RBPMS2: variants seen among roughly 807,000 people sequenced by gnomAD.
RBPMS2 encodes the protein RNA-binding protein with multiple splicing 2.
RBPMS2 carries 14 observed loss-of-function variants against 25.7 expected under a neutral mutation model. The observed-to-expected ratio is 0.55, with a 90% confidence interval of 0.36 to 0.85. The LOEUF (loss-of-function observed/expected upper bound fraction) is 0.85. Ranked by LOEUF, RBPMS2 falls within the 40% of genes least tolerant of loss-of-function variation. The pLI is 0.01. For synonymous variants in RBPMS2, 127 were observed against 115.6 expected (o/e 1.10, Z -0.63); for missense variants, 252 against 283.4 (o/e 0.89, Z 0.80).
At chr15:64,772,007 C>A (rs1056131003) in intron 1 of RBPMS2, among the ~76,000 whole-genome samples, 3 of 152,134 alleles carry the variant, frequency 2.0e-5, no homozygotes, top group African/African-American at 7.2e-5. Flanking sequence ...TACTTTAACT[C>A]ATCTCTAGAT....
intron 3 of RBPMS2, among the ~76,000 whole-genome samples, chr15:64,749,977 C>G (rs2083660100): frequency 6.6e-6 from 1 of 151,996 alleles, no homozygotes; most frequent in South Asian, 2.1e-4. Context: ...CTAGCGGGCC[C>G]TGGCCTCCTT....
At chr15:64,741,708 G>A (rs1478000124) in intron 6 of RBPMS2, among the ~76,000 whole-genome samples, 1 of 152,264 alleles carries the variant, frequency 6.6e-6, no homozygotes, top group African/African-American at 2.4e-5. Flanking sequence ...GAAGTCATAT[G>A]TGGTTGTGAG....
chr15:64,772,220 A>T (rs2083897578), intron 1 of RBPMS2, among the ~76,000 whole-genome samples: 1 of 152,210 alleles, frequency 6.6e-6, no homozygotes, highest in African/African-American at 2.4e-5. Context: ...CTTCAGAGAC[A>T]TGGTAATTAC....
chr15:64,763,961 A>G (rs961025064), intron 1 of RBPMS2, among the ~76,000 whole-genome samples: 1 of 152,202 alleles, frequency 6.6e-6, no homozygotes, highest in African/African-American at 2.4e-5. Context: ...TGTCGTGGGA[A>G]CACACCTGGT....
intron 1 of RBPMS2, among the ~76,000 whole-genome samples, chr15:64,758,193 A>C (rs2083751518): frequency 1.3e-5 from 2 of 152,220 alleles, no homozygotes; most frequent in Non-Finnish European, 2.9e-5. Flanking sequence ...GAAGGCACCA[A>C]ACGCATTCAC....
At chr15:64,743,683 G>A (rs988827616) in intron 6 of RBPMS2, among the ~76,000 whole-genome samples, 1 of 152,162 alleles carries the variant, frequency 6.6e-6, no homozygotes, top group Non-Finnish European at 1.5e-5. Context: ...AGGCTATAGT[G>A]ACCAGGTTCC....
intron 1 of RBPMS2, chr15:64,762,480 T>G (rs1479651600): frequency 3.7e-6 from 2 of 534,678 alleles, no homozygotes; most frequent in Non-Finnish European, 7.7e-6. Context: ...TTTTCAGAAT[T>G]TGCTGCCATC....
intron 1 of RBPMS2, 110 bp from the exon 2 acceptor site, chr15:64,751,748 CA>C: frequency 1.2e-6 from 1 of 851,306 alleles, no homozygotes; most frequent in Non-Finnish European, 1.9e-6. Flanking sequence ...TAGAGGAATT[CA>C]GCCTTTCCTG....
At chr15:64,760,804 A>G (rs1490226187) in intron 1 of RBPMS2, among the ~76,000 whole-genome samples, 3 of 139,268 alleles carry the variant, frequency 2.2e-5, no homozygotes, top group Non-Finnish European at 1.6e-5. Context: ...CTCCATCTCG[A>G]AAAAAAAAAA....
chr15:64,757,182 G>C (rs2083740518), intron 1 of RBPMS2, among the ~76,000 whole-genome samples: 1 of 151,454 alleles, frequency 6.6e-6, no homozygotes, highest in Non-Finnish European at 1.5e-5. Context: ...ATGTTGCCTG[G>C]GCTGGTTTTG....
rs546852688 is a variant in RBPMS2 at position 64,759,283 on chromosome 15, A to C, written c.88-7645T>G. ...AATGGGGAATCCCCTCCTAGTACGA[A>C]TAGATCTAGGAGGAGCTTTTGGACC... is the stretch of plus-strand genomic sequence containing the variant. On this transcript the variant is annotated intron_variant, in intron 1 of 7. Transcript: ENST00000300069. Among the ~76,000 whole-genome samples, 78 of 152,298 alleles carry C rather than the reference A, an allele frequency of 5.1e-4. 1 individual carries two copies. In the South Asian group the frequency reaches 0.015, roughly 30 times the overall value.
intron 1 of RBPMS2, among the ~76,000 whole-genome samples, chr15:64,760,799 T>C (rs1211713947): frequency 6.8e-6 from 1 of 147,824 alleles, no homozygotes; most frequent in Non-Finnish European, 1.5e-5. Flanking sequence ...TGAAACTCCA[T>C]CTCGAAAAAA....
At chr15:64,742,096 C>T (rs910607405) in intron 6 of RBPMS2, among the ~76,000 whole-genome samples, 9 of 152,138 alleles carry the variant, frequency 5.9e-5, no homozygotes, top group South Asian at 4.2e-4. Context: ...ACCCGGGAGG[C>T]GGAGGTTGCA....
In RBPMS2 at chr15:64,756,978, T is replaced by A. The variant is rs1325283633; in HGVS notation, c.88-5340A>T. Among the ~76,000 whole-genome samples, 10 of 146,982 alleles carry A rather than the reference T, an allele frequency of 6.8e-5. 1 individual carries two copies. The highest frequency in any genetic ancestry group is 2.5e-4 in the African/African-American group (10 of 39,928). On this transcript the variant is annotated intron_variant, in intron 1 of 7. Coordinates refer to ENST00000300069, the MANE Select transcript of RBPMS2 (RefSeq NM_194272.3). The stretch of plus-strand genomic sequence containing the variant: ...CCACCATGCCCGGCCTCATTTTTTT[T>A]TTTTTTTTTTTGGAAATGGAGTCTC...
intron 2 of RBPMS2, among the ~76,000 whole-genome samples, chr15:64,751,240 G>A (rs918791940): frequency 6.6e-6 from 1 of 151,762 alleles, no homozygotes; most frequent in Non-Finnish European, 1.5e-5. Flanking sequence ...GGCTGAGGCA[G>A]GAGAATTGCT....
At chr15:64,764,263 G>A (rs1237886035) in intron 1 of RBPMS2, among the ~76,000 whole-genome samples, 2 of 152,106 alleles carry the variant, frequency 1.3e-5, no homozygotes, top group Non-Finnish European at 2.9e-5. Context: ...TGCAGTTGCC[G>A]CCACTGCCAT....
At chr15:64,760,130 C>A (rs1385583345) in intron 1 of RBPMS2, among the ~76,000 whole-genome samples, 4 of 152,226 alleles carry the variant, frequency 2.6e-5, no homozygotes, top group Non-Finnish European at 4.4e-5. Flanking sequence ...GGGCCCAGCT[C>A]ACATGGAGGT....
At chr15:64,754,294 AGAGT>A (rs2083711296) in intron 1 of RBPMS2, among the ~76,000 whole-genome samples, 1 of 151,970 alleles carries the variant, frequency 6.6e-6, no homozygotes, top group African/African-American at 2.4e-5. Flanking sequence ...CATGGGCGAC[AGAGT>A]GAGACTCCAT....
At position 64,767,131 on chromosome 15, in the gene RBPMS2, ACT is replaced by A. The variant is rs557987872; in HGVS notation, c.87+8100_87+8101del. Reference sequence around the variant, plus strand: ...CTTTTTTTTTGAGACAGGGGCTCTCACTCTATCACCCAGGCTCAAGTGCAGTG... The same window carrying A: ...CTTTTTTTTTGAGACAGGGGCTCTCACTATCACCCAGGCTCAAGTGCAGTG... On this transcript the variant is annotated intron_variant, in intron 1 of 7. Coordinates refer to ENST00000300069, the MANE Select transcript of RBPMS2 (RefSeq NM_194272.3). Among the ~76,000 whole-genome samples, 49 of 150,252 alleles carry A rather than the reference ACT, an allele frequency of 3.3e-4. 1 individual carries two copies. The Middle Eastern group carries it at 0.014, about 42-fold the overall frequency.
Sources: allele counts gnomAD v4.1 joint callset (sites outside exome capture counted in the v4.1 genomes callset), GRCh38; gene constraint gnomAD v4.1.1; transcripts MANE v1.5; gene names NCBI Gene and HGNC (gene_info 2026-07-23, HGNC 2026-07-21).